NAV3: variants seen among roughly 807,000 people sequenced by gnomAD.
NAV3 encodes pore membrane and/or filament interacting like protein 1.
In NAV3, 87 loss-of-function variants were observed where a neutral mutation model predicts 244.7. That is an observed-to-expected ratio of 0.36 (90% CI 0.30 to 0.42). The LOEUF (loss-of-function observed/expected upper bound fraction) is 0.42. NAV3 is among the 20% of genes least tolerant of loss of function. NAV3 has a pLI of 1.00. For missense variants in NAV3, 2,663 were observed against 2,893.3 expected (o/e 0.92, Z 1.83); for synonymous variants, 1,126 against 1,042.2 (o/e 1.08, Z -1.55).
At chr12:77,753,912 G>T (rs1868991859) in intron 2 of NAV3, among the ~76,000 whole-genome samples, 1 of 152,112 alleles carries the variant, frequency 6.6e-6, no homozygotes, top group African/African-American at 2.4e-5. Flanking sequence ...TACTAAGAAA[G>T]ATTTAAATTT....
chr12:78,197,799 T>C (rs1959200621), intron 35 of NAV3, among the ~76,000 whole-genome samples: 1 of 151,926 alleles, frequency 6.6e-6, no homozygotes, highest in Admixed American at 6.6e-5. Flanking sequence ...TGTTAGCTTC[T>C]GCAGACATGA....
intron 2 of NAV3, among the ~76,000 whole-genome samples, chr12:77,609,422 C>A (rs1482956116): frequency 1.3e-5 from 2 of 152,058 alleles, no homozygotes; most frequent in Admixed American, 6.6e-5. Context: ...CGGAAAATTT[C>A]TTTTATTCCT....
chr12:77,638,305 T>C (rs1435103312), intron 2 of NAV3, among the ~76,000 whole-genome samples: 1 of 152,214 alleles, frequency 6.6e-6, no homozygotes, highest in Non-Finnish European at 1.5e-5. Flanking sequence ...TTGGGATTTC[T>C]CTTCATAGAT....
intron 29 of NAV3, 63 bp from the exon 30 acceptor site, chr12:78,180,808 C>G (rs2139729050): frequency 7.5e-7 from 1 of 1,341,732 alleles, no homozygotes; most frequent in Non-Finnish European, 1.0e-6. Context: ...TGATAAAAGA[C>G]TTGGTGCTAT....
intron 23 of NAV3, among the ~76,000 whole-genome samples, chr12:78,163,495 G>A (rs1182547333): frequency 1.3e-5 from 2 of 152,060 alleles, no homozygotes; most frequent in African/African-American, 4.8e-5. Context: ...TTGAACCCTG[G>A]AGGTGAAGGT....
chr12:77,594,738 C>T lies in NAV3; in HGVS notation c.72+22472C>T, dbSNP rs77907948. On this transcript the variant is annotated intron_variant, in intron 2 of 8. Transcript: ENST00000550042. The stretch of plus-strand genomic sequence containing the variant: ...TTCAAAATGGAAACCAAGCAACATA[C>T]AGTAGAATAATCATTTTACTTCATA... 4.9e-3 allele frequency among the ~76,000 whole-genome samples: 741 copies of T among 152,284 alleles called. 9 individuals carry two copies. The highest frequency in any genetic ancestry group is 0.017 in the African/African-American group (703 of 41,554).
intron 2 of NAV3, among the ~76,000 whole-genome samples, chr12:77,779,508 C>T (rs1870557686): frequency 6.6e-6 from 1 of 152,140 alleles, no homozygotes; most frequent in South Asian, 2.1e-4. Context: ...GAATGGTTCC[C>T]TCATGGAACT....
intron 1 of NAV3, among the ~76,000 whole-genome samples, chr12:77,892,508 T>A (rs374809628): frequency 6.6e-6 from 1 of 151,964 alleles, no homozygotes; most frequent in African/African-American, 2.4e-5. Context: ...CTCCGCCTCC[T>A]GTGTTCAAGC....
intron 2 of NAV3, among the ~76,000 whole-genome samples, chr12:77,721,832 A>G (rs6538320): frequency 0.65 from 98,613 of 151,988 alleles, 35,880 homozygotes; most frequent in East Asian, 0.89. Context: ...GGTAAAATAC[A>G]TGTGTCATTA....
intron 9 of NAV3, among the ~76,000 whole-genome samples, chr12:78,030,996 G>A (rs114857760): frequency 1.3e-5 from 2 of 152,118 alleles, no homozygotes; most frequent in Non-Finnish European, 2.9e-5. Flanking sequence ...CAACACTATT[G>A]TTATTGTTGA....
chr12:78,015,224 A>C (rs1479868758), intron 8 of NAV3, among the ~76,000 whole-genome samples: 2 of 152,146 alleles, frequency 1.3e-5, no homozygotes, highest in Non-Finnish European at 2.9e-5. Flanking sequence ...AGAATTGTGC[A>C]AATGACTCTC....
At position 77,884,251 on chromosome 12, in the gene NAV3, G is replaced by A. The variant is rs1883014527; in HGVS notation, c.243+52547G>A. 2.0e-5 allele frequency among the ~76,000 whole-genome samples: 3 copies of A among 152,120 alleles called. No individual in the cohort carries two copies. In the South Asian group the frequency reaches 6.2e-4, roughly 31 times the overall value. On this transcript the variant is annotated intron_variant, in intron 1 of 39. Coordinates refer to ENST00000397909, the MANE Select transcript of NAV3 (RefSeq NM_001024383.2). ...GGAGGGAATGATGGATGGTTGGATGGATAGACAGATTAGATGATGATTGAT... is the reference window on the plus strand; with the variant it reads ...GGAGGGAATGATGGATGGTTGGATGAATAGACAGATTAGATGATGATTGAT...
chr12:77,775,209 C>T (rs144596649), intron 2 of NAV3, among the ~76,000 whole-genome samples: 3,918 of 151,788 alleles, frequency 0.026, 190 homozygotes, highest in African/African-American at 0.09. Context: ...CTGACTAACA[C>T]GGAGAAACCC....
chr12:77,809,162 CCCTTT>C (rs1158868737), intron 2 of NAV3, among the ~76,000 whole-genome samples: 7 of 152,144 alleles, frequency 4.6e-5, no homozygotes, highest in Admixed American at 3.3e-4. Context: ...GGCTTCAGCC[CCCTTT>C]CCAGGGGATT....
rs3078748 is a variant in NAV3, at chr12:77,798,163, A to AAAACAAAC, written c.73-142138_73-142131dup. Among the ~76,000 whole-genome samples, 360 of 149,910 alleles carry AAAACAAAC rather than the reference A, an allele frequency of 2.4e-3. 2 individuals are homozygous for AAAACAAAC. Among genetic ancestry groups the AAAACAAAC allele is most frequent in the African/African-American group, 3.7e-3 (150 of 40,528 alleles). ...GGCCACAGAGTGAGACCGTGTCTCA[A>AAAACAAAC]AAACAAACAAACAAACAAACAAACA... is the stretch of plus-strand genomic sequence containing the variant. On this transcript the variant is annotated intron_variant, in intron 2 of 8. Transcript: ENST00000550042.
At chr12:77,846,811 T>A (rs1656071372) in intron 1 of NAV3, among the ~76,000 whole-genome samples, 1 of 151,564 alleles carries the variant, frequency 6.6e-6, no homozygotes, top group South Asian at 2.1e-4. Flanking sequence ...AGGAGAATGA[T>A]TTTTTTTCAA....
intron 2 of NAV3, among the ~76,000 whole-genome samples, chr12:77,680,108 G>C (rs182178782): frequency 6.6e-6 from 1 of 152,268 alleles, no homozygotes; most frequent in East Asian, 1.9e-4. Flanking sequence ...AAAGTTAGAA[G>C]GCACAGGGAA....
At chr12:78,081,370 G>A (rs192479256) in intron 12 of NAV3, among the ~76,000 whole-genome samples, 5 of 152,260 alleles carry the variant, frequency 3.3e-5, no homozygotes, top group Non-Finnish European at 7.4e-5. Context: ...TGGAGAGCCC[G>A]GTGAAGGCTG....
At chr12:77,711,461 A>G (rs190406690) in intron 2 of NAV3, among the ~76,000 whole-genome samples, 15 of 152,296 alleles carry the variant, frequency 9.8e-5, no homozygotes, top group African/African-American at 3.4e-4. Flanking sequence ...TTTTCTTTTT[A>G]ATCTCTTTAT....
Sources: allele counts gnomAD v4.1 joint callset (sites outside exome capture counted in the v4.1 genomes callset), GRCh38; gene constraint gnomAD v4.1.1; transcripts MANE v1.5; gene names NCBI Gene and HGNC (gene_info 2026-07-23, HGNC 2026-07-21).